Variants in OR4N2 observed in about 807,000 individuals in gnomAD.
OR4N2 encodes olfactory receptor family 4 subfamily N member 2.
For synonymous variants in OR4N2, 141 were observed against 140.4 expected (o/e 1.00, Z -0.03); for missense variants, 307 against 377.6 (o/e 0.81, Z 1.55).
At chr14:19,811,908 C>T in intron 1 of OR4N2, among the ~76,000 whole-genome samples, 1 of 152,226 alleles carries the variant, frequency 6.6e-6, no homozygotes, top group East Asian at 1.9e-4. Context: ...TATACATGCT[C>T]TCACCACTTC....
chr14:19,823,145 C>T (rs1322964326), intron 1 of OR4N2, among the ~76,000 whole-genome samples: 1 of 152,246 alleles, frequency 6.6e-6, no homozygotes, highest in Non-Finnish European at 1.5e-5. Flanking sequence ...GCCTGATTCA[C>T]ACTTTTTAGA....
At chr14:19,808,823 G>GGA (rs1879227797) in intron 1 of OR4N2, among the ~76,000 whole-genome samples, 2 of 149,380 alleles carry the variant, frequency 1.3e-5, no homozygotes, top group Admixed American at 1.3e-4. Flanking sequence ...CAGAAATATT[G>GGA]AAAAAAAAAA....
chr14:19,808,747 G>A (rs1006984441), intron 1 of OR4N2, among the ~76,000 whole-genome samples: 1 of 151,702 alleles, frequency 6.6e-6, no homozygotes, highest in Non-Finnish European at 1.5e-5. Flanking sequence ...AGCCAAAAAA[G>A]CCTGAATAGT....
chr14:19,812,656 C>A (rs1435210628), intron 1 of OR4N2, among the ~76,000 whole-genome samples: 3 of 152,132 alleles, frequency 2.0e-5, no homozygotes, highest in Admixed American at 1.3e-4. Flanking sequence ...CCGTGCCCAG[C>A]CATTTTTTGA....
intron 1 of OR4N2, among the ~76,000 whole-genome samples, chr14:19,824,733 T>C (rs186865093): frequency 1.3e-5 from 2 of 152,278 alleles, no homozygotes; most frequent in African/African-American, 4.8e-5. Context: ...ATGAACAGTA[T>C]TTATATCTTC....
At chr14:19,805,978 G>A (rs1225220535) in intron 1 of OR4N2, among the ~76,000 whole-genome samples, 1 of 152,132 alleles carries the variant, frequency 6.6e-6, no homozygotes, top group East Asian at 1.9e-4. Flanking sequence ...CCCAAACTTA[G>A]CTTCATAAGT....
In OR4N2 at chr14:19,811,203, T is replaced by C. The variant is rs141421560; in HGVS notation, c.-10+7359T>C. On this transcript the variant is annotated intron_variant, in intron 1 of 1. Transcript: ENST00000557677. The stretch of plus-strand genomic sequence containing the variant: ...ATTTTGCATTGCAAGGATTTTGCAT[T>C]ACAAGGAAAGATGATTTCTCAAAAA... Among the ~76,000 whole-genome samples, 347 of 152,330 alleles carry C rather than the reference T, an allele frequency of 2.3e-3. 1 individual carries two copies. The highest frequency in any genetic ancestry group is 7.8e-3 in the African/African-American group (323 of 41,550).
At chr14:19,807,521 A>G (rs1879194711) in intron 1 of OR4N2, among the ~76,000 whole-genome samples, 2 of 152,146 alleles carry the variant, frequency 1.3e-5, no homozygotes, top group African/African-American at 4.8e-5. Context: ...ATCTCCCAAG[A>G]TTGAATCCCT....
Position 19,813,816 on chromosome 14 carries a change from G to A in OR4N2, c.-10+9972G>A, listed in dbSNP as rs563713096. Reference sequence around the variant, plus strand: ...TCTGGATGGTCTTGCTCTCCTTGTGGACTAGTATCTCTCTGTTTCTTCACC... The same window carrying A: ...TCTGGATGGTCTTGCTCTCCTTGTGAACTAGTATCTCTCTGTTTCTTCACC... On this transcript the variant is annotated intron_variant, in intron 1 of 1. Coordinates refer to ENST00000557677, the MANE Select transcript of OR4N2 (RefSeq NM_001004723.3). Among the ~76,000 whole-genome samples, 13 of 142,418 alleles carry A rather than the reference G, an allele frequency of 9.1e-5. No homozygotes were observed. In the South Asian group the frequency reaches 1.9e-3, roughly 21 times the overall value. 93.4% of individuals were successfully genotyped at this position (142,418 alleles called of 152,430 possible).
chr14:19,811,916 T>C (rs963349050), intron 1 of OR4N2, among the ~76,000 whole-genome samples: 1 of 152,290 alleles, frequency 6.6e-6, no homozygotes, highest in African/African-American at 2.4e-5. Context: ...CTCTCACCAC[T>C]TCTATTCAAC....
At chr14:19,807,281 G>A (rs1233869819) in intron 1 of OR4N2, among the ~76,000 whole-genome samples, 1 of 151,534 alleles carries the variant, frequency 6.6e-6, no homozygotes. Flanking sequence ...CAAAAGGTCA[G>A]TGAAACCAAT....
At chr14:19,805,250 A>G (rs1879135054) in intron 1 of OR4N2, among the ~76,000 whole-genome samples, 1 of 152,196 alleles carries the variant, frequency 6.6e-6, no homozygotes, top group Non-Finnish European at 1.5e-5. Context: ...CTTACCCATA[A>G]TAAATTACTG....
intron 1 of OR4N2, among the ~76,000 whole-genome samples, chr14:19,820,875 G>T (rs7144990): frequency 6.6e-6 from 1 of 152,066 alleles, no homozygotes; most frequent in Non-Finnish European, 1.5e-5. Flanking sequence ...CTCCATGGGG[G>T]TGGGATCCAC....
At position 19,829,090 on chromosome 14, in the gene OR4N2, C is replaced by T. The variant is rs1318210936; in HGVS notation, c.*718C>T. On this transcript the variant is annotated 3_prime_UTR_variant, in exon 2 of 2. Coordinates refer to ENST00000557677, the MANE Select transcript of OR4N2 (RefSeq NM_001004723.3). ...CGGATATCAAAGACTTGAAAAATATCATTAAGAGGAAAATATTATATTTGT... is the reference window on the plus strand; with the variant it reads ...CGGATATCAAAGACTTGAAAAATATTATTAAGAGGAAAATATTATATTTGT... 2 of 152,226 alleles carry T rather than the reference C, an allele frequency of 1.3e-5. No individual in the cohort carries two copies. The highest frequency in any genetic ancestry group is 4.8e-5 in the African/African-American group (2 of 41,456). 9.4% of individuals were successfully genotyped at this position (152,226 alleles called of 1,614,324 possible).
chr14:19,827,792 T>C lies in OR4N2; in HGVS notation c.344T>C (p.Leu115Pro). The change falls in exon 2 of 2, where the codon CTT becomes CCT. Residue 115 changes from leucine (L) to proline (P), a missense_variant. Transcript: ENST00000557677. Reference sequence around the variant, plus strand: ...CTTGGAGGAGGGGAGGGATTACTCCTTGTTGTGATGGCCTTTGACCGCTAC... The same window carrying C: ...CTTGGAGGAGGGGAGGGATTACTCCCTGTTGTGATGGCCTTTGACCGCTAC... ...HFLGGGEGLLLVVMAFDRYIA... is the reference protein window; with the variant it reads ...HFLGGGEGLLPVVMAFDRYIA... 9 of 1,614,264 alleles carry C rather than the reference T, an allele frequency of 5.6e-6. No homozygotes were observed. The highest frequency in any genetic ancestry group is 6.8e-6 in the Non-Finnish European group (8 of 1,180,038).
rs1253097983 is a variant in OR4N2 at position 19,821,232 on chromosome 14, C to G, written c.-9-6208C>G. ...CCCGGTGATGTGATGCCCCACCCTG[C>G]TTTGGCTTACCCTCCGTGGGCTGCA... On this transcript the variant is annotated intron_variant, in intron 1 of 1. Coordinates refer to ENST00000557677, the MANE Select transcript of OR4N2 (RefSeq NM_001004723.3). Among the ~76,000 whole-genome samples, 3 of 152,266 alleles carry G rather than the reference C, an allele frequency of 2.0e-5. No homozygotes were observed. In the East Asian group the frequency reaches 5.8e-4, roughly 29 times the overall value.
intron 1 of OR4N2, among the ~76,000 whole-genome samples, chr14:19,812,285 G>A (rs1200362890): frequency 7.1e-6 from 1 of 141,412 alleles, no homozygotes; most frequent in African/African-American, 2.6e-5. Context: ...TGAATTTTCT[G>A]TTATTTTTTG....
At chr14:19,824,979 G>A (rs60117062) in intron 1 of OR4N2, among the ~76,000 whole-genome samples, 10,863 of 151,366 alleles carry the variant, frequency 0.072, 521 homozygotes, top group African/African-American at 0.2. Flanking sequence ...AGCGTCGACT[G>A]TAGAAGGGGC....
At chr14:19,823,651 GA>G (rs1309176884) in intron 1 of OR4N2, among the ~76,000 whole-genome samples, 1 of 151,398 alleles carries the variant, frequency 6.6e-6, no homozygotes, top group South Asian at 2.1e-4. Context: ...ATATCAGAGT[GA>G]AAAAACATAG....
Sources: gnomAD v4.1 joint callset for allele counts (sites outside exome capture counted in the v4.1 genomes callset) on GRCh38, gnomAD v4.1.1 for gene constraint, MANE v1.5 for transcripts, NCBI Gene and HGNC (gene_info 2026-07-23, HGNC 2026-07-21) for gene names.